The following STAG1 variants were observed in gnomAD, a reference collection of about 807,000 sequenced individuals.
The protein encoded by STAG1 is STAG1 cohesin complex component, also known as cohesin subunit SA-1.
A neutral mutation model predicts 170.9 loss-of-function variants in STAG1; 26 were observed. The ratio of observed to expected loss-of-function variants is 0.15; its 90% CI spans 0.11 to 0.21. The LOEUF (loss-of-function observed/expected upper bound fraction) is 0.21. Ranked by LOEUF, STAG1 falls within the 10% of genes least tolerant of loss-of-function variation. The pLI, the probability that STAG1 is intolerant of heterozygous loss-of-function variation, is 1.00. For missense variants in STAG1, 964 were observed against 1,509.5 expected, an observed-to-expected ratio of 0.64 and a Z score of 5.99; for synonymous variants, 514 against 497.7, an observed-to-expected ratio of 1.03 and a Z score of -0.44.
intron 10 of STAG1, among the ~76,000 whole-genome samples, chr3:136,475,221 A>G (rs973744776): frequency 1.5e-5 from 2 of 131,966 alleles, no homozygotes; most frequent in Non-Finnish European, 3.0e-5. Flanking sequence ...ATTTCAGCTC[A>G]CTGCAACCTC....
At chr3:136,712,927 C>T (rs1347051071) in intron 1 of STAG1, among the ~76,000 whole-genome samples, 1 of 151,978 alleles carries the variant, frequency 6.6e-6, no homozygotes, top group South Asian at 2.1e-4. Context: ...TTCATCTCTA[C>T]GAAAAATACA....
intron 2 of STAG1, among the ~76,000 whole-genome samples, chr3:136,629,113 G>A (rs1453995770): frequency 1.3e-5 from 2 of 152,002 alleles, no homozygotes; most frequent in Admixed American, 6.6e-5. Context: ...CACTCACAAA[G>A]CATGATATAT....
At chr3:136,660,565 A>T (rs1941545465) in intron 1 of STAG1, among the ~76,000 whole-genome samples, 1 of 152,216 alleles carries the variant, frequency 6.6e-6, no homozygotes, top group South Asian at 2.1e-4. Context: ...AGGAAAGGAA[A>T]ATACGTTGGG....
intron 3 of STAG1, among the ~76,000 whole-genome samples, chr3:136,611,189 G>A (rs545531154): frequency 8.6e-5 from 13 of 152,018 alleles, no homozygotes; most frequent in Admixed American, 3.9e-4. Context: ...CACTCTTGCC[G>A]CCCAGGCTGG....
chr3:136,590,958 A>G (rs1938133886), intron 4 of STAG1, among the ~76,000 whole-genome samples: 1 of 151,738 alleles, frequency 6.6e-6, no homozygotes, highest in Admixed American at 6.6e-5. Flanking sequence ...AGGACCCCCC[A>G]GAAAAGCTGT....
chr3:136,715,956 A>G (rs1330499635), intron 1 of STAG1, among the ~76,000 whole-genome samples: 1 of 151,974 alleles, frequency 6.6e-6, no homozygotes, highest in Admixed American at 6.6e-5. Flanking sequence ...AAAATTAGCC[A>G]GTGTAGTGGT....
intron 5 of STAG1, among the ~76,000 whole-genome samples, chr3:136,550,613 T>C (rs1226818539): frequency 1.3e-5 from 2 of 152,144 alleles, no homozygotes; most frequent in East Asian, 1.9e-4. Flanking sequence ...GGCCCAGCTT[T>C]TCTTTTTCTC....
intron 7 of STAG1, among the ~76,000 whole-genome samples, chr3:136,505,151 C>T (rs1321651576): frequency 6.6e-6 from 1 of 152,118 alleles, no homozygotes; most frequent in Non-Finnish European, 1.5e-5. Context: ...AGAATTGGTA[C>T]TTATCAAATT....
At chr3:136,686,148 T>C (rs1942513993) in intron 1 of STAG1, among the ~76,000 whole-genome samples, 1 of 152,170 alleles carries the variant, frequency 6.6e-6, no homozygotes, top group South Asian at 2.1e-4. Context: ...TGGAAGATAA[T>C]TCCTGGCACA....
intron 4 of STAG1, 131 bp from the exon 5 acceptor site, chr3:136,568,992 C>A (rs1039251886): frequency 1.6e-6 from 1 of 627,694 alleles, no homozygotes; most frequent in Admixed American, 3.1e-5. Context: ...GAAATTATTT[C>A]TCTGTAGCCT....
chr3:136,367,572 GTCTTT>G (rs994757259), intron 24 of STAG1, among the ~76,000 whole-genome samples: 4 of 152,042 alleles, frequency 2.6e-5, no homozygotes, highest in Non-Finnish European at 5.9e-5. Flanking sequence ...TTAAAACGCT[GTCTTT>G]TCTTATTTCA....
Position 136,739,794 on chromosome 3 carries a change from A to G in STAG1, c.-84+12401T>C, listed in dbSNP as rs1934564316. The stretch of plus-strand genomic sequence containing the variant: ...AGCCGAGATCGCGCCACTGCACTCC[A>G]TCCTGGGCAACAAGAGCAAGACTTC... On this transcript the variant is annotated intron_variant, in intron 1 of 33. Transcript: ENST00000383202. Among the ~76,000 whole-genome samples, 5 of 152,060 alleles carry G rather than the reference A, an allele frequency of 3.3e-5. No homozygotes were observed. The South Asian group carries it at 1.0e-3, about 32-fold the overall frequency.
chr3:136,636,717 T>C (rs1248217065), intron 1 of STAG1, among the ~76,000 whole-genome samples: 1 of 152,186 alleles, frequency 6.6e-6, no homozygotes, highest in Non-Finnish European at 1.5e-5. Flanking sequence ...CACCAAAACA[T>C]TTAAAATATT....
intron 5 of STAG1, among the ~76,000 whole-genome samples, chr3:136,559,866 A>C (rs1936770739): frequency 6.6e-6 from 1 of 152,208 alleles, no homozygotes; most frequent in African/African-American, 2.4e-5. Flanking sequence ...AATGCCCAAC[A>C]CATCTGTACA....
At chr3:136,531,966 AG>A (rs993367944) in intron 6 of STAG1, among the ~76,000 whole-genome samples, 14 of 152,118 alleles carry the variant, frequency 9.2e-5, no homozygotes, top group African/African-American at 2.9e-4. Flanking sequence ...GATGCACCTC[AG>A]GAACTAGAGT....
chr3:136,367,119 A>G (rs1560062153), intron 24 of STAG1, 37 bp from the exon 25 acceptor site: 2 of 1,530,610 alleles, frequency 1.3e-6, no homozygotes, highest in Admixed American at 3.6e-5. Flanking sequence ...GAATTCTGGT[A>G]CTTTATCCAC....
chr3:136,571,833 A>G (rs1293473300), intron 4 of STAG1, among the ~76,000 whole-genome samples: 1 of 152,088 alleles, frequency 6.6e-6, no homozygotes, highest in Non-Finnish European at 1.5e-5. Context: ...GTGAACTATT[A>G]CCATGCTAAC....
chr3:136,341,475 A>G lies in STAG1; in HGVS notation c.3523T>C (p.Tyr1175His). The change falls in exon 31 of 34, where the codon TAC (tyrosine) becomes CAC (histidine). Residue 1175 changes from tyrosine (Y) to histidine (H), a missense_variant. This residue lies in a region of STAG1 where 122 missense variants were observed against 129.0 expected (regional missense o/e 0.95). Coordinates refer to ENST00000383202, the MANE Select transcript of STAG1 (RefSeq NM_005862.3). ...CTCACTCCAGTTCTCACTTTCATGTAGTTCATTCCTGTTCTGTCCTTCCGA... is the reference window on the plus strand; with the variant it reads ...CTCACTCCAGTTCTCACTTTCATGTGGTTCATTCCTGTTCTGTCCTTCCGA... Reference protein sequence around the residue: ...LNRKDRTGMNYMKVRTGVRHA... With the variant: ...LNRKDRTGMNHMKVRTGVRHA... 1 of 1,613,872 alleles carries G rather than the reference A, an allele frequency of 6.2e-7. No individual in the cohort carries two copies. Among genetic ancestry groups the G allele is most frequent in the Non-Finnish European group, 8.5e-7 (1 of 1,179,810 alleles).
rs552803976 is a variant in STAG1, at chr3:136,396,387, T to G, written c.2277+2362A>C. On this transcript the variant is annotated intron_variant, in intron 22 of 33. Transcript: ENST00000383202. ...CGCCTGCCACCACGCCCGGCTAATT[T>G]TTTTGTATTTTTAGTATTGACAGGG... 8.3e-4 allele frequency among the ~76,000 whole-genome samples: 119 copies of G among 143,134 alleles called. 1 individual carries two copies. The highest frequency in any genetic ancestry group is 3.0e-3 in the African/African-American group (116 of 38,456). The allele number at this position is 143,134 out of a possible 152,430, so 93.9% of individuals were successfully genotyped here. A position where few individuals can be genotyped will look rare whatever the true frequency, so the allele number is the denominator to read the frequency against.
Sources: gnomAD v4.1 joint callset for allele counts (sites outside exome capture counted in the v4.1 genomes callset) on GRCh38, gnomAD v4.1.1 for gene constraint, gnomAD v4.1.1 regional missense constraint, MANE v1.5 for transcripts, NCBI Gene and HGNC (gene_info 2026-07-23, HGNC 2026-07-21) for gene names.